ULK4: variants seen among roughly 807,000 people sequenced by gnomAD.
ULK4 encodes unc-51 like kinase 4.
Under a neutral mutation model 160.6 loss-of-function variants are expected in ULK4, and 133 were observed. The ratio of observed to expected loss-of-function variants is 0.83; its 90% CI spans 0.72 to 0.96. ULK4 has a LOEUF of 0.96. Ranked by LOEUF, ULK4 falls within the 40% of genes least tolerant of loss-of-function variation. The pLI is 0.00. For synonymous variants in ULK4, 534 were observed against 539.8 expected (o/e 0.99, Z 0.15); for missense variants, 1,580 against 1,499.5 (o/e 1.05, Z -0.89).
chr3:41,865,576 C>T (rs1376828459), intron 17 of ULK4, among the ~76,000 whole-genome samples: 1 of 152,170 alleles, frequency 6.6e-6, no homozygotes, highest in Admixed American at 6.5e-5. Flanking sequence ...TCCTTTATTA[C>T]TTCAACTTCC....
Position 41,659,142 on chromosome 3 carries a change from T to C in ULK4, c.3071+4465A>G, listed in dbSNP as rs151169520. On this transcript the variant is annotated intron_variant, in intron 30 of 36. Transcript: ENST00000301831. ...AAGCTTACATGACACCCGAGGCCTCTTGAACAATGCTGATAGAAATGTAAA... is the reference window on the plus strand; with the variant it reads ...AAGCTTACATGACACCCGAGGCCTCCTGAACAATGCTGATAGAAATGTAAA... Among the ~76,000 whole-genome samples, 15 of 152,294 alleles carry C rather than the reference T, an allele frequency of 9.8e-5. No homozygotes were observed. In the East Asian group the frequency reaches 1.2e-3, roughly 12 times the overall value.
chr3:41,633,436 T>G (rs943079081), intron 30 of ULK4, among the ~76,000 whole-genome samples: 1 of 152,106 alleles, frequency 6.6e-6, no homozygotes, highest in Non-Finnish European at 1.5e-5. Context: ...AATGGCAGAG[T>G]TAAGTAGCTG....
intron 27 of ULK4, among the ~76,000 whole-genome samples, chr3:41,691,792 A>G (rs2125807455): frequency 6.6e-6 from 1 of 151,938 alleles, no homozygotes; most frequent in East Asian, 1.9e-4. Context: ...AGTCTGATAC[A>G]TGATGAACCT....
intron 30 of ULK4, among the ~76,000 whole-genome samples, chr3:41,662,258 T>G (rs1317520825): frequency 1.3e-5 from 2 of 152,168 alleles, no homozygotes; most frequent in Admixed American, 6.5e-5. Flanking sequence ...TGCTTCCAAT[T>G]GGCAAAGATA....
At chr3:41,740,570 C>A (rs181830382) in intron 22 of ULK4, among the ~76,000 whole-genome samples, 1 of 152,038 alleles carries the variant, frequency 6.6e-6, no homozygotes, top group Admixed American at 6.5e-5. Flanking sequence ...ATTTCACCAC[C>A]TGTCTCATGC....
chr3:41,444,998 T>G (rs2083264487), intron 34 of ULK4, among the ~76,000 whole-genome samples: 1 of 152,154 alleles, frequency 6.6e-6, no homozygotes, highest in African/African-American at 2.4e-5. Context: ...CAAAATCTCC[T>G]TAAGCTGATA....
intron 32 of ULK4, among the ~76,000 whole-genome samples, chr3:41,524,616 G>A (rs2086048327): frequency 1.3e-5 from 2 of 152,112 alleles, no homozygotes; most frequent in African/African-American, 2.4e-5. Flanking sequence ...TTGGCCTGAA[G>A]TCAGCCAGAG....
chr3:41,858,295 G>GCGC (rs1263436930), intron 17 of ULK4, among the ~76,000 whole-genome samples: 1 of 151,452 alleles, frequency 6.6e-6, no homozygotes, highest in African/African-American at 2.4e-5. Context: ...GGAATTACAG[G>GCGC]CGCCTGCCAC....
chr3:41,952,210 C>T (rs1185092100), intron 2 of ULK4, among the ~76,000 whole-genome samples: 1 of 151,990 alleles, frequency 6.6e-6, no homozygotes, highest in Non-Finnish European at 1.5e-5. Context: ...TGTGACTCTG[C>T]AAAAATTTTA....
intron 35 of ULK4, among the ~76,000 whole-genome samples, chr3:41,337,559 G>A (rs753508704): frequency 6.6e-6 from 1 of 152,068 alleles, no homozygotes; most frequent in Non-Finnish European, 1.5e-5. Context: ...ACACACGCAT[G>A]TGCACACAAA....
intron 34 of ULK4, among the ~76,000 whole-genome samples, chr3:41,410,478 T>C (rs1254910107): frequency 1.3e-5 from 2 of 151,748 alleles, no homozygotes; most frequent in African/African-American, 2.4e-5. Flanking sequence ...TTTATAGAAA[T>C]AGAAAGTAAA....
chr3:41,817,459 A>G (rs1044095862), intron 19 of ULK4, among the ~76,000 whole-genome samples: 1 of 152,210 alleles, frequency 6.6e-6, no homozygotes, highest in Non-Finnish European at 1.5e-5. Flanking sequence ...TTATAAAATC[A>G]TGTTCTTTGC....
At chr3:41,587,323 C>G (rs1212159315) in intron 31 of ULK4, among the ~76,000 whole-genome samples, 4 of 152,172 alleles carry the variant, frequency 2.6e-5, no homozygotes, top group Non-Finnish European at 5.9e-5. Flanking sequence ...AACTACTTTT[C>G]TTTTAAAAGC....
At chr3:41,961,550 A>ACCCCTTCCCCCC (rs57463009) in intron 1 of ULK4, among the ~76,000 whole-genome samples, 1 of 124,692 alleles carries the variant, frequency 8.0e-6, no homozygotes, top group African/African-American at 4.3e-5. Context: ...GTAGTCACTC[A>ACCCCTTCCCCCC]CCCCCCCCCC....
intron 35 of ULK4, among the ~76,000 whole-genome samples, chr3:41,255,344 A>G (rs1029953118): frequency 2.6e-5 from 4 of 152,046 alleles, no homozygotes; most frequent in African/African-American, 9.7e-5. Context: ...TTAGCTGGGC[A>G]TGGTGGCACA....
intron 19 of ULK4, 69 bp downstream of exon 19, chr3:41,819,354 A>G: frequency 1.4e-6 from 2 of 1,460,644 alleles, no homozygotes; most frequent in Non-Finnish European, 1.9e-6. Flanking sequence ...GCAGGCTACA[A>G]TCCTCATACA....
At chr3:41,639,641 T>A (rs2034102102) in intron 30 of ULK4, among the ~76,000 whole-genome samples, 1 of 152,070 alleles carries the variant, frequency 6.6e-6, no homozygotes, top group Non-Finnish European at 1.5e-5. Flanking sequence ...GACAGGAGAA[T>A]CACTTAAACC....
At chr3:41,807,506 G>C (rs2040685489) in intron 19 of ULK4, among the ~76,000 whole-genome samples, 1 of 152,130 alleles carries the variant, frequency 6.6e-6, no homozygotes, top group Admixed American at 6.6e-5. Flanking sequence ...CATTTTGCTA[G>C]TTATATATCC....
At chr3:41,437,796 T>C (rs2083069863) in intron 34 of ULK4, among the ~76,000 whole-genome samples, 1 of 152,154 alleles carries the variant, frequency 6.6e-6, no homozygotes, top group African/African-American at 2.4e-5. Flanking sequence ...CTAATACTAA[T>C]TAAAAGAATT....
Sources: gnomAD v4.1 joint callset for allele counts (sites outside exome capture counted in the v4.1 genomes callset) on GRCh38, gnomAD v4.1.1 for gene constraint, MANE v1.5 for transcripts, NCBI Gene and HGNC (gene_info 2026-07-23, HGNC 2026-07-21) for gene names.